FHAD1: variants seen among roughly 807,000 people sequenced by gnomAD.
FHAD1 encodes forkhead-associated domain-containing protein 1.
Under a neutral mutation model 191.3 loss-of-function variants are expected in FHAD1, and 146 were observed. That is an observed-to-expected ratio of 0.76 (90% confidence interval 0.67 to 0.88). The LOEUF (loss-of-function observed/expected upper bound fraction) is 0.88. Ranked by LOEUF, FHAD1 falls within the 40% of genes least tolerant of loss-of-function variation. The probability of loss-of-function intolerance (pLI) is 0.00; values close to 1 mark genes in which losing one functional copy is unlikely to be tolerated. For synonymous variants in FHAD1, 616 were observed against 672.3 expected (o/e 0.92, Z 1.29); for missense variants, 1,635 against 1,785.8 (o/e 0.92, Z 1.52).
At chr1:15,340,859 G>C (rs533324820) in intron 15 of FHAD1, among the ~76,000 whole-genome samples, 1 of 152,222 alleles carries the variant, frequency 6.6e-6, no homozygotes, top group African/African-American at 2.4e-5. Flanking sequence ...GTAAGCAATG[G>C]ACATGATAAG....
At chr1:15,392,018 C>T (rs956817447) in intron 33 of FHAD1, among the ~76,000 whole-genome samples, 6 of 152,182 alleles carry the variant, frequency 3.9e-5, no homozygotes, top group African/African-American at 1.4e-4. Context: ...ACAGTGTTGA[C>T]ATTGGGATGG....
intron 4 of FHAD1, among the ~76,000 whole-genome samples, chr1:15,296,470 G>C (rs1392144561): frequency 2.0e-5 from 3 of 152,094 alleles, no homozygotes; most frequent in African/African-American, 7.2e-5. Flanking sequence ...AGCCAGGATG[G>C]TCTCAATCTT....
chr1:15,302,273 A>G (rs558430205), intron 6 of FHAD1, among the ~76,000 whole-genome samples: 1 of 152,344 alleles, frequency 6.6e-6, no homozygotes, highest in South Asian at 2.1e-4. Flanking sequence ...GGTGTTCCAA[A>G]CACAGAGGCC....
At chr1:15,323,736 G>A (rs1417938396) in intron 10 of FHAD1, among the ~76,000 whole-genome samples, 1 of 152,138 alleles carries the variant, frequency 6.6e-6, no homozygotes, top group East Asian at 1.9e-4. Flanking sequence ...GGGCAGCACC[G>A]AACACGCCCA....
chr1:15,280,765 C>G (rs538700103), intron 3 of FHAD1, among the ~76,000 whole-genome samples: 1 of 152,310 alleles, frequency 6.6e-6, no homozygotes, highest in African/African-American at 2.4e-5. Context: ...TTGCAAACAT[C>G]TAAGTGTTTT....
intron 31 of FHAD1, among the ~76,000 whole-genome samples, chr1:15,387,577 C>G (rs1232396615): frequency 6.6e-6 from 1 of 151,978 alleles, no homozygotes; most frequent in Non-Finnish European, 1.5e-5. Context: ...AGCACGACCC[C>G]CATCTCTACA....
downstream of FHAD1, among the ~76,000 whole-genome samples, chr1:15,402,740 G>A (rs1268017215): frequency 6.6e-6 from 1 of 152,184 alleles, no homozygotes; most frequent in Non-Finnish European, 1.5e-5. Flanking sequence ...CAAGGTCACA[G>A]AGCAAGTGTT....
chr1:15,289,411 T>C lies in FHAD1; in HGVS notation c.313T>C (p.Trp105Arg). The stretch of plus-strand genomic sequence containing the variant: ...TCTGCCCCTGCAGGTCTCTTTCCCA[T>C]GGATGAGGGGCCCAGCACCATGGCC... ...IENPPPVSFP[W>R]MRGPAPWPGP... Residue 105 changes from tryptophan (W) to arginine (R), a missense_variant, in exon 4 of 34, where the codon TGG becomes CGG. Physicochemically the swap from Trp to Arg is moderately radical, Grantham distance 101 (BLOSUM62 -3). Coordinates refer to ENST00000688493, the MANE Select transcript of FHAD1 (RefSeq NM_001391957.1). This position sits in a 1 kb window ranked among gnomAD's most constrained non-coding sequence, Gnocchi z 4.2. 2.6e-6 allele frequency: 4 copies of C among 1,551,622 alleles called. No homozygotes were observed. The highest frequency in any genetic ancestry group is 1.4e-5 in the African/African-American group (1 of 73,172).
At chr1:15,271,570 TG>T (rs1189471502) in intron 2 of FHAD1, among the ~76,000 whole-genome samples, 1 of 152,190 alleles carries the variant, frequency 6.6e-6, no homozygotes, top group East Asian at 1.9e-4. Context: ...GGGCCATCTG[TG>T]GTTAGGCAAA....
rs564119298 is a variant in FHAD1, at chr1:15,380,722, G to T, written c.3727G>T (p.Ala1243Ser). 2 of 1,551,528 alleles carry T rather than the reference G, an allele frequency of 1.3e-6. No homozygotes were observed. Among genetic ancestry groups the T allele is most frequent in the Non-Finnish European group, 1.7e-6 (2 of 1,146,948 alleles). Reference sequence around the variant, plus strand: ...TCAGCCTCAGAATGGCCTTTGCAACGCAAGGTTCGGCTCAGCCATGGAGAA... The same window carrying T: ...TCAGCCTCAGAATGGCCTTTGCAACTCAAGGTTCGGCTCAGCCATGGAGAA... Reference protein sequence around the residue: ...ILAPQNGLCNARFGSAMEKSG... With the variant: ...ILAPQNGLCNSRFGSAMEKSG... Residue 1243 changes from alanine (A) to serine (S), a missense_variant, in exon 29 of 34, where the codon GCA becomes TCA. Ala to Ser is a moderately conservative substitution (Grantham distance 99). Transcript: ENST00000688493.
At chr1:15,247,912 TG>T (rs1214396845) in intron 1 of FHAD1, among the ~76,000 whole-genome samples, 5 of 152,226 alleles carry the variant, frequency 3.3e-5, no homozygotes, top group Non-Finnish European at 7.3e-5. Flanking sequence ...GCATGGTCGG[TG>T]CCCTGTGTCT....
chr1:15,347,828 C>T (rs896382543), intron 18 of FHAD1, among the ~76,000 whole-genome samples: 1 of 152,204 alleles, frequency 6.6e-6, no homozygotes, highest in African/African-American at 2.4e-5. Flanking sequence ...TAATCTGGGT[C>T]TTGAGGTCAT....
intron 2 of FHAD1, among the ~76,000 whole-genome samples, chr1:15,268,157 C>G (rs1013931930): frequency 1.6e-5 from 2 of 125,550 alleles, no homozygotes; most frequent in Non-Finnish European, 3.2e-5. Context: ...CCCCCCACCC[C>G]ACAACAGTCC....
At chr1:15,245,520 G>A (rs1260344584), upstream of FHAD1, among the ~76,000 whole-genome samples, 2 of 152,318 alleles carry the variant, frequency 1.3e-5, no homozygotes, top group South Asian at 2.1e-4. Flanking sequence ...GTGCATTCCA[G>A]GCAGAGGAAT....
chr1:15,289,958 A>G lies in FHAD1; in HGVS notation c.568+292A>G, dbSNP rs1663970966. 6.6e-6 allele frequency among the ~76,000 whole-genome samples: 1 copy of G among 152,078 alleles called. No homozygotes were observed. Among genetic ancestry groups the G allele is most frequent in the Non-Finnish European group, 1.5e-5 (1 of 68,026 alleles). Reference sequence around the variant, plus strand: ...GTGTGGCCTCTGTGTGTGTGTACATATGAGTGTGTCATGGGATCACGTCAA... The same window carrying G: ...GTGTGGCCTCTGTGTGTGTGTACATGTGAGTGTGTCATGGGATCACGTCAA... On this transcript the variant is annotated intron_variant, in intron 4 of 33. Coordinates refer to ENST00000688493, the MANE Select transcript of FHAD1 (RefSeq NM_001391957.1). The surrounding 1 kb of genome is among the most constrained non-coding windows in gnomAD (Gnocchi z 4.2).
At chr1:15,242,545 G>A (rs2100573463), upstream of FHAD1, among the ~76,000 whole-genome samples, 1 of 152,260 alleles carries the variant, frequency 6.6e-6, no homozygotes, top group Admixed American at 6.5e-5. Flanking sequence ...TAGAATTTAT[G>A]GAGTTGTCCA....
intron 21 of FHAD1, 94 bp downstream of exon 21, chr1:15,358,377 C>T (rs1693553266): frequency 1.6e-6 from 2 of 1,240,692 alleles, no homozygotes; most frequent in East Asian, 5.2e-5. Context: ...GGCTTCTCAG[C>T]CTCAGCACTG....
intron 2 of FHAD1, among the ~76,000 whole-genome samples, chr1:15,267,773 A>G (rs914253292): frequency 7.0e-6 from 1 of 142,304 alleles, no homozygotes; most frequent in Non-Finnish European, 1.6e-5. Flanking sequence ...ATCATTATAA[A>G]TAATATATAA....
At chr1:15,296,553 T>G (rs979228473) in intron 4 of FHAD1, 131 bp from the exon 5 acceptor site, 3 of 947,056 alleles carry the variant, frequency 3.2e-6, no homozygotes, top group Admixed American at 2.0e-5. Flanking sequence ...GCGCCCGGCC[T>G]TTAATTTTTA....
Sources: gnomAD v4.1 joint callset for allele counts (sites outside exome capture counted in the v4.1 genomes callset) on GRCh38, gnomAD v4.1.1 for gene constraint, Gnocchi (gnomAD v3.1) non-coding constraint, MANE v1.5 for transcripts, NCBI Gene and HGNC (gene_info 2026-07-23, HGNC 2026-07-21) for gene names.